Variants in BTBD9 observed in about 807,000 individuals in gnomAD.
The protein encoded by BTBD9 is BTB domain containing 9.
BTBD9 carries 49 observed loss-of-function variants against 64.3 expected under a neutral mutation model. The ratio of observed to expected loss-of-function variants is 0.76; its 90% CI spans 0.61 to 0.97. The LOEUF (loss-of-function observed/expected upper bound fraction) is 0.97, where lower values mean the gene tolerates loss of function less well. Ranked by LOEUF, BTBD9 falls within the 50% of genes least tolerant of loss-of-function variation. The pLI, the probability that BTBD9 is intolerant of heterozygous loss-of-function variation, is 0.00. For synonymous variants in BTBD9, 260 were observed against 274.7 expected, an observed-to-expected ratio of 0.95 and a Z score of 0.53; for missense variants, 598 against 762.1, an observed-to-expected ratio of 0.78 and a Z score of 2.53.
chr6:38,241,127 T>A (rs1223793767), intron 9 of BTBD9, among the ~76,000 whole-genome samples: 1 of 152,168 alleles, frequency 6.6e-6, no homozygotes, highest in Non-Finnish European at 1.5e-5. Context: ...CATCAGAATT[T>A]CTATTAAGCT....
intron 9 of BTBD9, among the ~76,000 whole-genome samples, chr6:38,197,716 T>A (rs1307502761): frequency 6.6e-6 from 1 of 152,206 alleles, no homozygotes; most frequent in Non-Finnish European, 1.5e-5. Flanking sequence ...TTCACACATA[T>A]GGCAAACTGG....
intron 6 of BTBD9, among the ~76,000 whole-genome samples, chr6:38,446,462 T>C (rs1299182484): frequency 6.6e-6 from 1 of 152,210 alleles, no homozygotes; most frequent in Non-Finnish European, 1.5e-5. Flanking sequence ...ACCAGTGGAC[T>C]GTGAGGTAGC....
At chr6:38,538,986 T>A (rs771486092) in intron 6 of BTBD9, among the ~76,000 whole-genome samples, 34 of 152,104 alleles carry the variant, frequency 2.2e-4, no homozygotes, top group Admixed American at 6.5e-4. Context: ...TGTTGTTGTT[T>A]TTGAGACAGG....
intron 6 of BTBD9, among the ~76,000 whole-genome samples, chr6:38,423,170 C>T (rs142950086): frequency 0.05 from 7,654 of 152,152 alleles, 283 homozygotes; most frequent in Middle Eastern, 0.14. Context: ...GAGGCTGAGA[C>T]ACGAGAATCG....
At chr6:38,374,873 AC>A (rs1198362015) in intron 6 of BTBD9, among the ~76,000 whole-genome samples, 2 of 152,188 alleles carry the variant, frequency 1.3e-5, no homozygotes, top group African/African-American at 4.8e-5. Context: ...GTTGGCAGCG[AC>A]ATTTTAGTGA....
At chr6:38,463,687 G>T (rs1451101403) in intron 6 of BTBD9, among the ~76,000 whole-genome samples, 1 of 152,186 alleles carries the variant, frequency 6.6e-6, no homozygotes, top group Non-Finnish European at 1.5e-5. Context: ...ATATGTCACA[G>T]TCTTAAACCT....
At chr6:38,292,838 A>G (rs1054752909) in intron 7 of BTBD9, among the ~76,000 whole-genome samples, 1 of 151,650 alleles carries the variant, frequency 6.6e-6, no homozygotes. Context: ...CTCTCCTCTT[A>G]GTTATTTCTT....
intron 6 of BTBD9, among the ~76,000 whole-genome samples, chr6:38,521,132 T>TA (rs11334534): frequency 9.9e-4 from 143 of 143,792 alleles, no homozygotes; most frequent in East Asian, 2.6e-3. Flanking sequence ...TGAAAATAAT[T>TA]AAAAAAAAAA....
chr6:38,447,420 C>T (rs993709801), intron 6 of BTBD9, among the ~76,000 whole-genome samples: 3 of 152,288 alleles, frequency 2.0e-5, no homozygotes, highest in Admixed American at 6.5e-5. Context: ...TCAAAAAGAA[C>T]CTTAAACATT....
At chr6:38,429,441 G>T (rs544938576) in intron 6 of BTBD9, among the ~76,000 whole-genome samples, 60 of 138,574 alleles carry the variant, frequency 4.3e-4, no homozygotes, top group Admixed American at 1.5e-3. Flanking sequence ...GGTGACAAGA[G>T]CAAGACTACG....
intron 9 of BTBD9, among the ~76,000 whole-genome samples, chr6:38,233,169 C>T (rs1269440720): frequency 6.6e-6 from 1 of 152,120 alleles, no homozygotes; most frequent in African/African-American, 2.4e-5. Context: ...ATAAGATGGA[C>T]AAAATCTGTG....
At chr6:38,395,202 G>A (rs989713710) in intron 6 of BTBD9, among the ~76,000 whole-genome samples, 3 of 152,054 alleles carry the variant, frequency 2.0e-5, no homozygotes, top group Non-Finnish European at 4.4e-5. Context: ...AGGTTGAGGT[G>A]GGAGGATTAC....
At chr6:38,241,452 A>G (rs1763989760) in intron 9 of BTBD9, among the ~76,000 whole-genome samples, 1 of 152,256 alleles carries the variant, frequency 6.6e-6, no homozygotes, top group African/African-American at 2.4e-5. Context: ...CAAGATTGCT[A>G]AGCCACATTA....
At chr6:38,455,856 T>C (rs1321072859) in intron 6 of BTBD9, among the ~76,000 whole-genome samples, 1 of 152,220 alleles carries the variant, frequency 6.6e-6, no homozygotes, top group Non-Finnish European at 1.5e-5. Flanking sequence ...TTTGTATTTT[T>C]AGTAGAGATG....
intron 6 of BTBD9, among the ~76,000 whole-genome samples, chr6:38,444,525 G>A (rs115932899): frequency 2.8e-4 from 43 of 152,174 alleles, no homozygotes; most frequent in Admixed American, 1.4e-3. Flanking sequence ...AGTATCCTAC[G>A]GCCTAGTGAT....
At chr6:38,264,082 G>A (rs1382166962) in intron 8 of BTBD9, among the ~76,000 whole-genome samples, 1 of 152,190 alleles carries the variant, frequency 6.6e-6, no homozygotes, top group Non-Finnish European at 1.5e-5. Flanking sequence ...ACGGAGAGCG[G>A]TAAGACTGTG....
chr6:38,557,661 G>A lies in BTBD9; in HGVS notation c.1154+19939C>T, dbSNP rs566303608. Among the ~76,000 whole-genome samples, 3 of 152,278 alleles carry A rather than the reference G, an allele frequency of 2.0e-5. No individual in the cohort carries two copies. In the South Asian group the frequency reaches 6.2e-4, roughly 32 times the overall value. Reference sequence around the variant, plus strand: ...CCTTCTACCTGTTTATAAAAACAAGGTATTAGGATATCACTATGAGGACTC... The same window carrying A: ...CCTTCTACCTGTTTATAAAAACAAGATATTAGGATATCACTATGAGGACTC... On this transcript the variant is annotated intron_variant, in intron 6 of 10. Transcript: ENST00000481247.
chr6:38,325,724 G>A (rs1392098813), intron 7 of BTBD9, among the ~76,000 whole-genome samples: 1 of 152,062 alleles, frequency 6.6e-6, no homozygotes, highest in Non-Finnish European at 1.5e-5. Context: ...AACAAAAAGA[G>A]CCCCAGCTCA....
intron 8 of BTBD9, among the ~76,000 whole-genome samples, chr6:38,276,761 G>A (rs1332128544): frequency 1.3e-5 from 2 of 151,990 alleles, no homozygotes; most frequent in African/African-American, 2.4e-5. Context: ...AAAGTAAGAG[G>A]TCTTTTTTTA....
Sources: allele counts gnomAD v4.1 joint callset (sites outside exome capture counted in the v4.1 genomes callset), GRCh38; gene constraint gnomAD v4.1.1; transcripts MANE v1.5; gene names NCBI Gene and HGNC (gene_info 2026-07-23, HGNC 2026-07-21).